The following NGLY1 variants were observed in gnomAD, a reference collection of about 807,000 sequenced individuals.
The protein encoded by NGLY1 is peptide-N(4)-(N-acetyl-beta-glucosaminyl)asparagine amidase.
NGLY1 carries 68 observed loss-of-function variants against 84.6 expected under a neutral mutation model. The ratio of observed to expected loss-of-function variants is 0.80; its 90% confidence interval spans 0.66 to 0.98. NGLY1 has a LOEUF of 0.98. NGLY1 is among the 50% of genes least tolerant of loss of function. The pLI, the probability that NGLY1 is intolerant of heterozygous loss-of-function variation, is 0.00. For missense variants in NGLY1, 779 were observed against 770.2 expected (o/e 1.01, Z -0.14); for synonymous variants, 280 against 275.2 (o/e 1.02, Z -0.17).
At chr3:25,747,258 G>A (rs1306285260) in intron 4 of NGLY1, among the ~76,000 whole-genome samples, 1 of 152,108 alleles carries the variant, frequency 6.6e-6, no homozygotes, top group African/African-American at 2.4e-5. Context: ...CTGATAAACA[G>A]GCATTTCTAT....
At chr3:25,779,510 GATAGTGACTT>G (rs1708313163) in intron 1 of NGLY1, among the ~76,000 whole-genome samples, 1 of 152,204 alleles carries the variant, frequency 6.6e-6, no homozygotes, top group Admixed American at 6.5e-5. Flanking sequence ...GCCTTAAAGT[GATAGTGACTT>G]CTTTAAGTAC....
chr3:25,753,513 A>C (rs1029097192), intron 3 of NGLY1, among the ~76,000 whole-genome samples: 20 of 152,162 alleles, frequency 1.3e-4, no homozygotes, highest in Admixed American at 1.0e-3. Flanking sequence ...ATTGGTATAG[A>C]TAATCACAAC....
Position 25,733,871 on chromosome 3 carries a change from C to A in NGLY1, c.1260+1G>T. The A allele has an allele frequency of 1.2e-6, 2 of 1,608,472 alleles. No individual in the cohort carries two copies. The highest frequency in any genetic ancestry group is 1.7e-6 in the Non-Finnish European group (2 of 1,176,350). ...TTTCAAAAAAGATAGCCACACCATACCTGCTTATTAAGCCCATTAATAGTG... is the reference window on the plus strand; with the variant it reads ...TTTCAAAAAAGATAGCCACACCATAACTGCTTATTAAGCCCATTAATAGTG... On this transcript the variant is annotated splice_donor_variant, in intron 8 of 11. Transcript: ENST00000280700. LOFTEE classifies it high-confidence loss of function.
At chr3:25,755,385 CTACCACTCCTACTA>C in intron 3 of NGLY1, 1 of 1,362,726 alleles carries the variant, frequency 7.3e-7, no homozygotes, top group South Asian at 1.2e-5. Context: ...AGTAGCAAAC[CTACCACTCCTACTA>C]TAGTGACCCC....
At chr3:25,758,986 G>C (rs1707175494) in intron 3 of NGLY1, among the ~76,000 whole-genome samples, 1 of 152,172 alleles carries the variant, frequency 6.6e-6, no homozygotes, top group Non-Finnish European at 1.5e-5. Context: ...AGCCAGCCTG[G>C]AATTATGTTC....
chr3:25,737,843 CTTTAA>C (rs1705921802), intron 5 of NGLY1, among the ~76,000 whole-genome samples: 1 of 152,102 alleles, frequency 6.6e-6, no homozygotes, highest in Non-Finnish European at 1.5e-5. Context: ...TGCGCCCGGC[CTTTAA>C]TTTGTTTTTA....
chr3:25,771,697 T>C (rs1410577611), intron 2 of NGLY1, among the ~76,000 whole-genome samples: 1 of 152,230 alleles, frequency 6.6e-6, no homozygotes, highest in Non-Finnish European at 1.5e-5. Flanking sequence ...GTGTTGTCTA[T>C]GATTTCCTTC....
At chr3:25,776,911 C>T (rs190925022) in intron 2 of NGLY1, among the ~76,000 whole-genome samples, 1 of 152,164 alleles carries the variant, frequency 6.6e-6, no homozygotes, top group Admixed American at 6.5e-5. Flanking sequence ...GAGCTAGCAA[C>T]ACAGGGAACA....
At chr3:25,785,981 G>T (rs1708594127), upstream of NGLY1, among the ~76,000 whole-genome samples, 1 of 152,176 alleles carries the variant, frequency 6.6e-6, no homozygotes, top group Non-Finnish European at 1.5e-5. Flanking sequence ...CACACAGCAG[G>T]TACTGAATAG....
chr3:25,765,929 C>T (rs1002970478), intron 2 of NGLY1, among the ~76,000 whole-genome samples: 4 of 152,092 alleles, frequency 2.6e-5, no homozygotes, highest in Admixed American at 6.6e-5. Context: ...AGGGGTCTCA[C>T]TCTTTTGCCC....
intron 2 of NGLY1, among the ~76,000 whole-genome samples, chr3:25,776,992 A>AC (rs1708182300): frequency 1.3e-5 from 2 of 152,216 alleles, no homozygotes; most frequent in Admixed American, 1.3e-4. Context: ...GACTAATGTA[A>AC]TAAGCTTTCT....
At chr3:25,727,544 C>T (rs1705321463) in intron 10 of NGLY1, among the ~76,000 whole-genome samples, 1 of 152,168 alleles carries the variant, frequency 6.6e-6, no homozygotes, top group African/African-American at 2.4e-5. Context: ...CTAATTACTC[C>T]CACCTCACTG....
chr3:25,752,003 G>A (rs1012809749), intron 3 of NGLY1, among the ~76,000 whole-genome samples: 1 of 152,188 alleles, frequency 6.6e-6, no homozygotes, highest in African/African-American at 2.4e-5. Context: ...CTCCACAGCT[G>A]TTAGAAGCAA....
At chr3:25,779,183 C>T (rs1024583138) in intron 1 of NGLY1, among the ~76,000 whole-genome samples, 20 of 152,024 alleles carry the variant, frequency 1.3e-4, no homozygotes, top group African/African-American at 4.8e-4. Context: ...GTGATCCACC[C>T]GCCTCAGCCT....
intron 4 of NGLY1, among the ~76,000 whole-genome samples, chr3:25,744,435 C>A (rs1341002639): frequency 6.6e-6 from 1 of 152,178 alleles, no homozygotes; most frequent in African/African-American, 2.4e-5. Context: ...ACACTTTCCC[C>A]AGTCCATAGA....
rs566949732 is a variant in NGLY1, at chr3:25,756,960, G to A, written c.493-5697C>T. Among the ~76,000 whole-genome samples, 16 of 152,262 alleles carry A rather than the reference G, an allele frequency of 1.1e-4. No individual in the cohort carries two copies. The South Asian group carries it at 1.2e-3, about 12-fold the overall frequency. On this transcript the variant is annotated intron_variant, in intron 3 of 11. Transcript: ENST00000280700. ...ATATTGGGAAAGATGGAAAGCTTTC[G>A]AGAATATAAACAGACCTGTTTTGTT...
intron 7 of NGLY1, chr3:25,734,953 C>T (rs546256082): frequency 2.2e-4 from 132 of 607,382 alleles, no homozygotes; most frequent in Non-Finnish European, 2.7e-4. Context: ...ATTTTTGATA[C>T]AAGTGGAAAG....
chr3:25,779,260 C>T (rs1357092763), intron 1 of NGLY1, among the ~76,000 whole-genome samples: 3 of 152,042 alleles, frequency 2.0e-5, no homozygotes, highest in Admixed American at 2.0e-4. Context: ...TTGACACAGA[C>T]AGTATGGCAA....
Position 25,720,136 on chromosome 3 carries a change from T to G in NGLY1, c.1667A>C (p.Glu556Ala), listed in dbSNP as rs1414923842. 3.7e-6 allele frequency: 6 copies of G among 1,613,660 alleles called. No individual in the cohort carries two copies. The highest frequency in any genetic ancestry group is 5.1e-6 in the Non-Finnish European group (6 of 1,179,846). The part of the protein sequence containing the change: ...SSFAYISWKF[E>A]CGSVGLKVDS... ...TACTTTTAGGCCAACTGACCCACAC[T>G]CAAACTTCCAGGAAATATAAGCAAA... The change falls in exon 11 of 12, where the codon GAG becomes GCG. Residue 556 changes from glutamate to alanine, a missense_variant. Coordinates refer to ENST00000280700, the MANE Select transcript of NGLY1 (RefSeq NM_018297.4).
Sources: allele counts gnomAD v4.1 joint callset (sites outside exome capture counted in the v4.1 genomes callset), GRCh38; gene constraint gnomAD v4.1.1; transcripts MANE v1.5; gene names NCBI Gene and HGNC (gene_info 2026-07-23, HGNC 2026-07-21).